The following ZC3H7A variants were observed in gnomAD, a reference collection of about 807,000 sequenced individuals.
ZC3H7A encodes zinc finger CCCH domain-containing protein 7A.
In ZC3H7A, 44 loss-of-function variants were observed where a neutral mutation model predicts 125.5. The observed-to-expected ratio is 0.35, with a 90% confidence interval of 0.28 to 0.45. ZC3H7A has a LOEUF of 0.45. Among genes scored for constraint, ZC3H7A ranks in the 20% least tolerant of loss-of-function variants. ZC3H7A has a pLI of 1.00. For synonymous variants in ZC3H7A, 399 were observed against 391.2 expected (o/e 1.02, Z -0.23); for missense variants, 977 against 1,170.7 (o/e 0.83, Z 2.41).
chr16:11,756,148 C>A (rs560124766), intron 21 of ZC3H7A, 89 bp downstream of exon 21: 9 of 1,524,592 alleles, frequency 5.9e-6, no homozygotes, highest in Non-Finnish European at 7.1e-6. Context: ...GGTGACACAA[C>A]GAGACTCCAT....
intron 19 of ZC3H7A, among the ~76,000 whole-genome samples, chr16:11,760,132 A>AG (rs2052724876): frequency 1.3e-5 from 2 of 149,036 alleles, no homozygotes; most frequent in African/African-American, 4.9e-5. Flanking sequence ...GAAAAAAAAA[A>AG]AAAAAAAAAA....
At position 11,781,466 on chromosome 16, in the gene ZC3H7A, TAAG is replaced by T. The variant is rs747420199; in HGVS notation, c.69-5_69-3del. ...GTTCCTGGATATGACAGCGGTGACCTAAGAAGAAGAAACAAATTAACTGTAATT... is the reference window on the plus strand; with the variant it reads ...GTTCCTGGATATGACAGCGGTGACCTAAGAAGAAACAAATTAACTGTAATT... On this transcript the variant is annotated splice_region_variant and splice_polypyrimidine_tract_variant and intron_variant, in intron 2 of 22. Transcript: ENST00000355758. The T allele has an allele frequency of 9.4e-6, 15 of 1,603,244 alleles. No individual in the cohort carries two copies. Among genetic ancestry groups the T allele is most frequent in the East Asian group, 4.5e-5 (2 of 44,778 alleles).
chr16:11,770,984 A>G lies in ZC3H7A; in HGVS notation c.907T>C (p.Ser303Pro), dbSNP rs75407705. The G allele has an allele frequency of 1.3e-6, 2 of 1,592,826 alleles. No homozygotes were observed. The change falls in exon 10 of 23, where the codon TCA becomes CCA. Residue 303 changes from serine to proline, a missense_variant. Ser to Pro is a moderately conservative substitution (Grantham distance 74, BLOSUM62 -1). Coordinates refer to ENST00000355758, the MANE Select transcript of ZC3H7A (RefSeq NM_014153.4). ...APETNETVMP[S>P]ALVRGPLQTA... Reference sequence around the variant, plus strand: ...TGAAGGGGTCCTCTGACTAAAGCTGACGGCTGCGGAAGAAAAAAAGATGTG... The same window carrying G: ...TGAAGGGGTCCTCTGACTAAAGCTGGCGGCTGCGGAAGAAAAAAAGATGTG...
intron 1 of ZC3H7A, among the ~76,000 whole-genome samples, chr16:11,792,570 G>C (rs894672887): frequency 7.9e-5 from 12 of 152,228 alleles, no homozygotes; most frequent in Admixed American, 5.2e-4. Context: ...TACTGAGACA[G>C]AAATAGTAGC....
intron 10 of ZC3H7A, among the ~76,000 whole-genome samples, chr16:11,770,310 T>A (rs2052957516): frequency 6.6e-6 from 1 of 152,078 alleles, no homozygotes; most frequent in Admixed American, 6.6e-5. Context: ...AACTCAGCAA[T>A]CTCCTGTAAA....
chr16:11,795,625 G>A (rs2053424913), intron 1 of ZC3H7A, among the ~76,000 whole-genome samples: 1 of 151,764 alleles, frequency 6.6e-6, no homozygotes, highest in Admixed American at 6.6e-5. Context: ...TACTAGAGAC[G>A]GGGTTTCTCC....
rs2052843825 is a variant in ZC3H7A, at chr16:11,765,666, T to A, written c.1542A>T (p.Glu514Asp). 6.2e-7 allele frequency: 1 copy of A among 1,613,326 alleles called. No homozygotes were observed. Among genetic ancestry groups the A allele is most frequent in the Non-Finnish European group, 8.5e-7 (1 of 1,179,650 alleles). ...ACGTGCAGTGGCCTGAATATCTACA[T>A]TCCTCCTCAGCAGCAACATCTAGAA... ...YICKDVAAEE[E>D]CRYSGHCTFA... Residue 514 changes from glutamate (E) to aspartate (D), a missense_variant, in exon 14 of 23, where the codon GAA (glutamate) becomes GAT (aspartate). Glu to Asp is a conservative substitution (Grantham distance 45). Around this residue, in one of 3 missense-constraint regions of ZC3H7A, gnomAD observed 436 missense variants for 603.2 expected, o/e 0.72. Transcript: ENST00000355758. The surrounding 1 kb of genome is among the most constrained non-coding windows in gnomAD (Gnocchi z 4.8).
In ZC3H7A at chr16:11,772,789, C is replaced by T. The variant is rs139297392; in HGVS notation, c.903+1447G>A. 8.1e-3 allele frequency among the ~76,000 whole-genome samples: 1,234 copies of T among 151,550 alleles called. 45 individuals carry two copies. The highest frequency in any genetic ancestry group is 0.028 in the African/African-American group (1,157 of 40,974). On this transcript the variant is annotated intron_variant, in intron 9 of 22. Coordinates refer to ENST00000355758, the MANE Select transcript of ZC3H7A (RefSeq NM_014153.4). ...TTGGTTCACTGCAATCTCCACCTCC[C>T]GGGCTCAAGTGATTCTCTTGCCTCA...
chr16:11,759,348 A>G (rs751509657), intron 19 of ZC3H7A: 2 of 152,148 alleles, frequency 1.3e-5, no homozygotes, highest in Non-Finnish European at 2.9e-5. Flanking sequence ...CTGGCCCTAC[A>G]TTATTTAGCT....
chr16:11,774,401 C>T lies in ZC3H7A; in HGVS notation c.738G>A (p.Leu246=), dbSNP rs748243659. ...GAGCGCTCTCTTCCACTTGTAGTGG[C>T]AAAATAGAAGTTAAGGGCATAACAG... The part of the protein sequence containing the change: ...SVPVMPLTSI[L]PLQVEESALP... Residue 246 remains leucine (L), a synonymous_variant, in exon 9 of 23, where the codon TTG becomes TTA. Coordinates refer to ENST00000355758, the MANE Select transcript of ZC3H7A (RefSeq NM_014153.4). The T allele has an allele frequency of 6.2e-7, 1 of 1,613,296 alleles. No homozygotes were observed. The highest frequency in any genetic ancestry group is 8.5e-7 in the Non-Finnish European group (1 of 1,179,612).
At chr16:11,763,731 A>AAAGTTC in intron 15 of ZC3H7A, 72 bp from the exon 16 acceptor site, 1 of 12,980 alleles carries the variant, frequency 7.7e-5, no homozygotes. Flanking sequence ...ATATATATAT[A>AAAGTTC]TATATATATA....
chr16:11,780,515 T>G (rs564661232), intron 3 of ZC3H7A, among the ~76,000 whole-genome samples: 2 of 152,152 alleles, frequency 1.3e-5, no homozygotes, highest in Admixed American at 6.5e-5. Context: ...CTAAGCTGAT[T>G]AAATTATTTT....
At chr16:11,791,962 A>G (rs959229068) in intron 1 of ZC3H7A, among the ~76,000 whole-genome samples, 8 of 152,142 alleles carry the variant, frequency 5.3e-5, no homozygotes, top group Non-Finnish European at 1.2e-4. Flanking sequence ...CCCAGGCTGC[A>G]GTACAGTGGC....
chr16:11,779,202 T>C lies in ZC3H7A; in HGVS notation c.270A>G (p.Lys90=), dbSNP rs147723022. ...AGCAGGCAATACGATTTATATATAG[T>C]TTTTCAATTATTTCTTTGGGGATTA... ...EILIPKEIIE[K]LYINRIACYS... Residue 90 remains lysine, a synonymous_variant, in exon 4 of 23, where the codon AAA becomes AAG. Coordinates refer to ENST00000355758, the MANE Select transcript of ZC3H7A (RefSeq NM_014153.4). The C allele has an allele frequency of 9.3e-5, 149 of 1,608,470 alleles. No homozygotes were observed. The African/African-American group carries it at 1.8e-3, about 20-fold the overall frequency.
chr16:11,761,955 T>C lies in ZC3H7A; in HGVS notation c.2168A>G (p.Glu723Gly). Reference sequence around the variant, plus strand: ...ACAATATTTTCTGTTTTTGTCTGGTTCAATGACTTGACCGTTTCTCAGACA... The same window carrying C: ...ACAATATTTTCTGTTTTTGTCTGGTCCAATGACTTGACCGTTTCTCAGACA... ...AQCLRNGQVI[E>G]PDKNRKYCSA... is the part of the protein sequence containing the mutation. Residue 723 changes from glutamate (E) to glycine (G), a missense_variant, in exon 18 of 23, where the codon GAA (glutamate) becomes GGA (glycine). Around this residue, in one of 3 missense-constraint regions of ZC3H7A, gnomAD observed 436 missense variants for 603.2 expected, o/e 0.72. Coordinates refer to ENST00000355758, the MANE Select transcript of ZC3H7A (RefSeq NM_014153.4). 1 of 1,613,716 alleles carries C rather than the reference T, an allele frequency of 6.2e-7. No individual in the cohort carries two copies. The highest frequency in any genetic ancestry group is 8.5e-7 in the Non-Finnish European group (1 of 1,179,944).
intron 4 of ZC3H7A, 149 bp from the exon 5 acceptor site, chr16:11,777,058 T>A: frequency 1.6e-6 from 1 of 613,700 alleles, no homozygotes; most frequent in Non-Finnish European, 2.5e-6. Flanking sequence ...TTTTTTAAAT[T>A]ATTTTATGAA....
rs1398908976 is a variant in ZC3H7A, at chr16:11,765,302, CTGAA to C, written c.1720-153_1720-150del. 1.4e-5 allele frequency: 9 copies of C among 653,930 alleles called. No individual in the cohort carries two copies. Among genetic ancestry groups the C allele is most frequent in the Non-Finnish European group, 2.1e-5 (9 of 420,578 alleles). 40.5% of individuals were successfully genotyped at this position (653,930 alleles called of 1,614,324 possible). On this transcript the variant is annotated intron_variant, in intron 14 of 22. Coordinates refer to ENST00000355758, the MANE Select transcript of ZC3H7A (RefSeq NM_014153.4). The surrounding 1 kb of genome is among the most constrained non-coding windows in gnomAD (Gnocchi z 4.8). Reference sequence around the variant, plus strand: ...TGGTAACAGTAATAGCCAACATTTACTGAATGAATGTTTTATCACATGGGAGGAC... The same window carrying C: ...TGGTAACAGTAATAGCCAACATTTACTGAATGTTTTATCACATGGGAGGAC...
intron 20 of ZC3H7A, 66 bp from the exon 21 acceptor site, chr16:11,756,436 G>A (rs1269272276): frequency 1.3e-6 from 2 of 1,572,508 alleles, no homozygotes; most frequent in African/African-American, 1.4e-5. Context: ...GCAACTATGT[G>A]CATATTTTGT....
At chr16:11,771,495 TG>T (rs2052980865) in intron 9 of ZC3H7A, among the ~76,000 whole-genome samples, 1 of 151,884 alleles carries the variant, frequency 6.6e-6, no homozygotes, top group Admixed American at 6.6e-5. Context: ...ACAATTGAGG[TG>T]GGATGTCTAA....
Sources: gnomAD v4.1 joint callset for allele counts (sites outside exome capture counted in the v4.1 genomes callset) on GRCh38, gnomAD v4.1.1 for gene constraint, gnomAD v4.1.1 regional missense constraint, Gnocchi (gnomAD v3.1) non-coding constraint, MANE v1.5 for transcripts, NCBI Gene and HGNC (gene_info 2026-07-23, HGNC 2026-07-21) for gene names.